Variants in HSF2BP observed in about 807,000 individuals in gnomAD.
HSF2BP encodes the protein heat shock factor 2-binding protein.
Under a neutral mutation model 35.0 loss-of-function variants are expected in HSF2BP, and 35 were observed. The ratio of observed to expected loss-of-function variants is 1.00; its 90% CI spans 0.76 to 1.32. The LOEUF (loss-of-function observed/expected upper bound fraction) is 1.32. Among genes scored for constraint, HSF2BP ranks in the 40% most tolerant of loss-of-function variants. The pLI is 0.00. For missense variants in HSF2BP, 326 were observed against 321.7 expected (o/e 1.01, Z -0.10); for synonymous variants, 114 against 117.4 (o/e 0.97, Z 0.18).
intron 5 of HSF2BP, among the ~76,000 whole-genome samples, chr21:43,632,287 CACAG>C: frequency 2.6e-5 from 2 of 78,188 alleles, no homozygotes; most frequent in Non-Finnish European, 5.1e-5. Flanking sequence ...CACACACACA[CACAG>C]GCTCCCACAT....
chr21:43,644,848 C>G (rs2082687599), intron 3 of HSF2BP, among the ~76,000 whole-genome samples: 1 of 152,116 alleles, frequency 6.6e-6, no homozygotes, highest in South Asian at 2.1e-4. Flanking sequence ...TCAATGGGAA[C>G]AACTGCAGTA....
At chr21:43,595,467 T>TTGGA (rs2081972759) in intron 7 of HSF2BP, among the ~76,000 whole-genome samples, 2 of 152,092 alleles carry the variant, frequency 1.3e-5, no homozygotes, top group South Asian at 4.2e-4. Flanking sequence ...GAGGTCAGCC[T>TTGGA]GGGCAACATG....
chr21:43,616,128 G>A (rs1441225556), intron 6 of HSF2BP, among the ~76,000 whole-genome samples: 3 of 151,950 alleles, frequency 2.0e-5, no homozygotes, highest in Non-Finnish European at 4.4e-5. Context: ...CTACCAGGTG[G>A]GCCTGGCCTC....
intron 4 of HSF2BP, among the ~76,000 whole-genome samples, chr21:43,633,908 A>G (rs1254842791): frequency 6.6e-6 from 1 of 152,260 alleles, no homozygotes; most frequent in Non-Finnish European, 1.5e-5. Context: ...GATTTGTAAA[A>G]AAACAAGTAC....
intron 8 of HSF2BP, among the ~76,000 whole-genome samples, chr21:43,580,350 G>A (rs988591837): frequency 3.3e-5 from 5 of 152,068 alleles, no homozygotes; most frequent in South Asian, 2.1e-4. Flanking sequence ...TTTCTATTGC[G>A]CTCAGCTTGT....
intron 6 of HSF2BP, among the ~76,000 whole-genome samples, chr21:43,629,914 T>G (rs2082433741): frequency 6.6e-6 from 1 of 152,204 alleles, no homozygotes; most frequent in Non-Finnish European, 1.5e-5. Flanking sequence ...CACATGCTAC[T>G]GAGAAATCTT....
intron 4 of HSF2BP, among the ~76,000 whole-genome samples, chr21:43,634,797 C>T (rs924824589): frequency 2.0e-5 from 3 of 152,178 alleles, no homozygotes; most frequent in African/African-American, 4.8e-5. Context: ...ATTATAGCAA[C>T]AATCTGGACT....
chr21:43,636,626 G>C (rs995993700), intron 4 of HSF2BP, among the ~76,000 whole-genome samples: 1 of 152,048 alleles, frequency 6.6e-6, no homozygotes, highest in African/African-American at 2.4e-5. Flanking sequence ...ATGTGTCCGG[G>C]CGCGATGGTA....
chr21:43,605,950 C>T (rs1044471305), intron 7 of HSF2BP, among the ~76,000 whole-genome samples: 3 of 152,080 alleles, frequency 2.0e-5, no homozygotes, highest in Admixed American at 6.6e-5. Context: ...GCCTCTGACA[C>T]GTGAGAAGAA....
intron 7 of HSF2BP, among the ~76,000 whole-genome samples, chr21:43,604,686 A>AT (rs2082104895): frequency 1.0e-5 from 1 of 99,100 alleles, no homozygotes; most frequent in African/African-American, 3.8e-5. Context: ...CACACCACAC[A>AT]CACACTACAC....
chr21:43,647,860 CG>C (rs1287370104), intron 3 of HSF2BP, among the ~76,000 whole-genome samples: 1 of 145,370 alleles, frequency 6.9e-6, no homozygotes, highest in African/African-American at 2.5e-5. Context: ...ACCTGGGAGG[CG>C]GAAGTTGCAG....
chr21:43,578,378 TTC>T (rs749943184), intron 8 of HSF2BP, among the ~76,000 whole-genome samples: 1 of 151,960 alleles, frequency 6.6e-6, no homozygotes, highest in South Asian at 2.1e-4. Context: ...TTCTCTTTTT[TTC>T]TCTCTCTCTA....
intron 8 of HSF2BP, among the ~76,000 whole-genome samples, chr21:43,575,410 T>C (rs2081630467): frequency 6.6e-6 from 1 of 152,194 alleles, no homozygotes; most frequent in Non-Finnish European, 1.5e-5. Flanking sequence ...TTTAAAAACT[T>C]GAGAAGACAC....
chr21:43,631,910 C>T (rs1001985209), intron 5 of HSF2BP, among the ~76,000 whole-genome samples: 1 of 149,316 alleles, frequency 6.7e-6, no homozygotes, highest in Non-Finnish European at 1.5e-5. Context: ...CCCACACACC[C>T]ACACGCTCCC....
intron 8 of HSF2BP, among the ~76,000 whole-genome samples, chr21:43,580,983 A>G (rs552747682): frequency 2.4e-4 from 37 of 152,354 alleles, no homozygotes; most frequent in African/African-American, 8.7e-4. Context: ...AGGGAATCAG[A>G]TGCCATATCA....
In HSF2BP at chr21:43,597,485, T is replaced by C. The variant is rs1854725191; in HGVS notation, c.693-5157A>G. Among the ~76,000 whole-genome samples, 1 of 152,218 alleles carries C rather than the reference T, an allele frequency of 6.6e-6. No individual in the cohort carries two copies. Among genetic ancestry groups the C allele is most frequent in the Non-Finnish European group, 1.5e-5 (1 of 68,036 alleles). On this transcript the variant is annotated intron_variant, in intron 7 of 8. Transcript: ENST00000291560. This position sits in a 1 kb window ranked among gnomAD's most constrained non-coding sequence, Gnocchi z 4.3. ...AATGTAATGCAATATTTTAAAAAAA[T>C]ATATTAAAAATGCCCTAATAAGCAA...
chr21:43,597,761 C>A lies in HSF2BP; in HGVS notation c.693-5433G>T, dbSNP rs994173473. ...TGAATTCTCGGCCTCAGGCAATTTT[C>A]CCACGTCGGCCTCCCAAAGTGCTGG... On this transcript the variant is annotated intron_variant, in intron 7 of 8. Transcript: ENST00000291560. This position sits in a 1 kb window ranked among gnomAD's most constrained non-coding sequence, Gnocchi z 4.3. 1.3e-5 allele frequency among the ~76,000 whole-genome samples: 2 copies of A among 152,196 alleles called. No homozygotes were observed. The highest frequency in any genetic ancestry group is 2.9e-5 in the Non-Finnish European group (2 of 68,036).
At chr21:43,505,877 G>T in the HSF2BP span, among the ~76,000 whole-genome samples, 3 of 132,784 alleles carry the variant, frequency 2.3e-5, 1 homozygote, top group African/African-American at 8.5e-5. Context: ...TGGGTTGTAG[G>T]TCTTTTTTCT....
At chr21:43,638,750 G>A (rs557659518) in intron 4 of HSF2BP, among the ~76,000 whole-genome samples, 120 of 152,130 alleles carry the variant, frequency 7.9e-4, no homozygotes, top group Non-Finnish European at 1.4e-3. Context: ...ATCTACAAAC[G>A]TACCACAATT....
Sources: allele counts gnomAD v4.1 joint callset (sites outside exome capture counted in the v4.1 genomes callset), GRCh38; gene constraint gnomAD v4.1.1; non-coding constraint Gnocchi (gnomAD v3.1); transcripts MANE v1.5; gene names NCBI Gene and HGNC (gene_info 2026-07-23, HGNC 2026-07-21).